Variants in ARVCF observed in about 807,000 individuals in gnomAD.
ARVCF encodes the protein splicing regulator ARVCF.
ARVCF carries 66 observed loss-of-function variants against 90.9 expected under a neutral mutation model. That is an observed-to-expected ratio of 0.73 (90% CI 0.60 to 0.89). The LOEUF (loss-of-function observed/expected upper bound fraction) is 0.89, where lower values mean the gene tolerates loss of function less well. Among genes scored for constraint, ARVCF ranks in the 40% least tolerant of loss-of-function variants. ARVCF has a pLI of 0.00. For synonymous variants in ARVCF, 653 were observed against 603.4 expected, an observed-to-expected ratio of 1.08 and a Z score of -1.21; for missense variants, 1,469 against 1,382.3, an observed-to-expected ratio of 1.06 and a Z score of -1.00.
At chr22:20,012,086 C>CCA (rs1555954536) in intron 1 of ARVCF, among the ~76,000 whole-genome samples, 2 of 127,126 alleles carry the variant, frequency 1.6e-5, no homozygotes, top group Non-Finnish European at 3.5e-5. Flanking sequence ...AAGTCCCCCC[C>CCA]CCCCACCCAG....
At chr22:19,989,219 C>T (rs142946841) in intron 3 of ARVCF, among the ~76,000 whole-genome samples, 3 of 152,210 alleles carry the variant, frequency 2.0e-5, no homozygotes, top group Non-Finnish European at 2.9e-5. Context: ...GGCCCCAGCA[C>T]CGAGACCCAC....
intron 2 of ARVCF, among the ~76,000 whole-genome samples, 154 bp downstream of exon 2, chr22:20,010,301 C>A (rs1452127764): frequency 6.6e-6 from 1 of 152,214 alleles, no homozygotes; most frequent in Non-Finnish European, 1.5e-5. Flanking sequence ...CCCTGTCCAG[C>A]CCAGGGGCTG....
chr22:20,009,844 G>A (rs1944761310), intron 2 of ARVCF, among the ~76,000 whole-genome samples: 1 of 152,246 alleles, frequency 6.6e-6, no homozygotes, highest in Non-Finnish European at 1.5e-5. Flanking sequence ...AGTACACATG[G>A]CCTACGGCTG....
At chr22:19,997,886 C>G (rs986461730) in intron 2 of ARVCF, among the ~76,000 whole-genome samples, 10 of 152,362 alleles carry the variant, frequency 6.6e-5, no homozygotes, top group Middle Eastern at 3.4e-3. Context: ...GGCACCCACC[C>G]CGCAAGGTGC....
At chr22:19,995,752 G>A (rs1432279886) in intron 2 of ARVCF, among the ~76,000 whole-genome samples, 1 of 152,164 alleles carries the variant, frequency 6.6e-6, no homozygotes, top group Non-Finnish European at 1.5e-5. Context: ...CCCCTTGCCA[G>A]CTGTCTACCA....
downstream of ARVCF, chr22:19,966,899 A>T: frequency 1.0e-6 from 1 of 972,900 alleles, no homozygotes; most frequent in East Asian, 1.1e-4. Flanking sequence ...ACCTCAGCAT[A>T]GTGTCACCTG....
intron 2 of ARVCF, among the ~76,000 whole-genome samples, chr22:20,006,578 C>T (rs1490263394): frequency 1.5e-5 from 2 of 137,380 alleles, no homozygotes; most frequent in Non-Finnish European, 3.1e-5. Flanking sequence ...GACTCTGTCT[C>T]AAAAAAAAAA....
intron 2 of ARVCF, among the ~76,000 whole-genome samples, chr22:19,997,638 G>A (rs1022588523): frequency 6.6e-6 from 1 of 152,172 alleles, no homozygotes; most frequent in African/African-American, 2.4e-5. Flanking sequence ...CATTCTCTGG[G>A]CTCCCTGCTG....
At chr22:19,994,229 G>A (rs1944138598) in intron 2 of ARVCF, among the ~76,000 whole-genome samples, 2 of 151,864 alleles carry the variant, frequency 1.3e-5, no homozygotes, top group African/African-American at 4.8e-5. Flanking sequence ...TGAATGGATG[G>A]ATGGGGGATG....
At chr22:20,008,970 G>A (rs118017282) in intron 2 of ARVCF, among the ~76,000 whole-genome samples, 23 of 152,304 alleles carry the variant, frequency 1.5e-4, no homozygotes, top group Middle Eastern at 3.4e-3. Flanking sequence ...AGCAACAGGA[G>A]GGAGAGTGAG....
In ARVCF at chr22:19,981,703, G is replaced by A; in HGVS notation, c.404C>T (p.Thr135Ile). The A allele has an allele frequency of 6.3e-7, 1 of 1,585,576 alleles. No homozygotes were observed. The highest frequency in any genetic ancestry group is 1.3e-5 in the African/African-American group (1 of 74,280). ...TKTVKTVTTR[T>I]VRQVPVGPDG... Reference sequence around the variant, plus strand: ...TGGGCCCACGGGCACCTGGCGTACTGTCCGAGTGGTCACCGTCTTGACAGT... The same window carrying A: ...TGGGCCCACGGGCACCTGGCGTACTATCCGAGTGGTCACCGTCTTGACAGT... The change falls in exon 5 of 20, where the codon ACA (threonine) becomes ATA (isoleucine). Residue 135 changes from threonine (T) to isoleucine (I), a missense_variant. By Grantham distance (89) the Thr-to-Ile change is moderately conservative. Transcript: ENST00000263207.
downstream of ARVCF, among the ~76,000 whole-genome samples, chr22:19,965,977 G>T (rs1352489327): frequency 1.3e-5 from 2 of 152,242 alleles, no homozygotes; most frequent in African/African-American, 4.8e-5. Flanking sequence ...CCCACAGCTG[G>T]GCCTGCGTTA....
chr22:19,977,369 C>G (rs758400278), intron 9 of ARVCF, 46 bp downstream of exon 9: 1 of 1,469,590 alleles, frequency 6.8e-7, no homozygotes. Flanking sequence ...TCCGCTGGGG[C>G]AGGAGTTGAG....
At chr22:20,005,783 G>T (rs1367405495) in intron 2 of ARVCF, among the ~76,000 whole-genome samples, 1 of 148,598 alleles carries the variant, frequency 6.7e-6, no homozygotes, top group African/African-American at 2.5e-5. Context: ...GCGGCAGAGC[G>T]AGACTCCGTC....
At chr22:19,968,504 C>T (rs776763589), downstream of ARVCF, 2 of 1,604,980 alleles carry the variant, frequency 1.2e-6, no homozygotes, top group Non-Finnish European at 1.7e-6. Context: ...ACCTCTGACC[C>T]TCACCTCCCC....
intron 2 of ARVCF, among the ~76,000 whole-genome samples, chr22:19,993,123 C>T (rs779711994): frequency 1.3e-4 from 20 of 152,106 alleles, no homozygotes; most frequent in Non-Finnish European, 2.5e-4. Flanking sequence ...CTGCCCCAGC[C>T]GCAGGGTGCA....
Position 19,972,044 on chromosome 22 carries a change from C to A in ARVCF, c.2696-73G>T, listed in dbSNP as rs35072297. The A allele has an allele frequency of 1.1e-3, 1,589 of 1,395,530 alleles. 8 individuals carry two copies. The African/African-American group carries it at 0.015, about 13-fold the overall frequency. 86.4% of individuals were successfully genotyped at this position (1,395,530 alleles called of 1,614,324 possible). A position where few individuals can be genotyped will look rare whatever the true frequency, so the allele number is the denominator to read the frequency against. ...CTGTAGGAGCAGATCTCCCTCTCAG[C>A]CCAGACACAGGGGACTCGTGGGACA... is the stretch of plus-strand genomic sequence containing the variant. On this transcript the variant is annotated intron_variant, in intron 17 of 19. Coordinates refer to ENST00000263207, the MANE Select transcript of ARVCF (RefSeq NM_001670.3).
intron 3 of ARVCF, among the ~76,000 whole-genome samples, chr22:19,982,743 C>G (rs776065536): frequency 5.9e-5 from 9 of 152,226 alleles, no homozygotes; most frequent in Non-Finnish European, 1.2e-4. Flanking sequence ...TTCCTTCCAG[C>G]CCAGACATTC....
At chr22:19,974,615 C>G (rs1395302667) in intron 11 of ARVCF, among the ~76,000 whole-genome samples, 1 of 152,000 alleles carries the variant, frequency 6.6e-6, no homozygotes, top group East Asian at 1.9e-4. Flanking sequence ...TCCCTGGCAA[C>G]AAGACCAGCA....
Sources: allele counts gnomAD v4.1 joint callset (sites outside exome capture counted in the v4.1 genomes callset), GRCh38; gene constraint gnomAD v4.1.1; transcripts MANE v1.5; gene names NCBI Gene and HGNC (gene_info 2026-07-23, HGNC 2026-07-21).